Variants in VPS37A observed in about 807,000 individuals in gnomAD.
The protein encoded by VPS37A is VPS37A subunit of ESCRT-I.
A neutral mutation model predicts 49.8 loss-of-function variants in VPS37A; 30 were observed. The observed-to-expected ratio is 0.60, with a 90% CI of 0.45 to 0.82. The LOEUF is 0.82. Ranked by LOEUF, VPS37A falls within the 40% of genes least tolerant of loss-of-function variation. VPS37A has a pLI of 0.00. For missense variants in VPS37A, 593 were observed against 464.4 expected, an observed-to-expected ratio of 1.28 and a Z score of -2.55; for synonymous variants, 195 against 160.6, an observed-to-expected ratio of 1.21 and a Z score of -1.62.
the VPS37A span, among the ~76,000 whole-genome samples, chr8:17,307,943 C>T: frequency 1.3e-4 from 20 of 151,758 alleles, no homozygotes; most frequent in Admixed American, 7.9e-4. Flanking sequence ...TGCTAAATGA[C>T]GAGTTAATGG....
At position 17,297,568 on chromosome 8, in the gene VPS37A, T is replaced by TATC. The variant is rs1554502480; in HGVS notation, c.*2584_*2586dup. ...TCAAAATTCTTACCTATTTATTTCA[T>TATC]ATCAACTTTAAAAAATAAATTACTT... On this transcript the variant is annotated 3_prime_UTR_variant, in exon 12 of 12. Transcript: ENST00000324849. 6.6e-6 allele frequency: 1 copy of TATC among 152,122 alleles called. No homozygotes were observed. Among genetic ancestry groups the TATC allele is most frequent in the Non-Finnish European group, 1.5e-5 (1 of 67,956 alleles). The allele number at this position is 152,122 out of a possible 1,614,324, so 9.4% of individuals were successfully genotyped here. A position where few individuals can be genotyped will look rare whatever the true frequency, so the allele number is the denominator to read the frequency against.
chr8:17,304,305 T>A, downstream of VPS37A: 1 of 1,532,692 alleles, frequency 6.5e-7, no homozygotes, highest in Non-Finnish European at 9.0e-7. Flanking sequence ...TCATACACTT[T>A]GACCTCTGAA....
At chr8:17,300,316 T>A, downstream of VPS37A, 2 of 1,318,834 alleles carry the variant, frequency 1.5e-6, no homozygotes, top group Non-Finnish European at 2.0e-6. Flanking sequence ...ACCTCCCACG[T>A]GGGTATAATG....
At chr8:17,301,797 G>A (rs904420929), downstream of VPS37A, 1 of 284,964 alleles carries the variant, frequency 3.5e-6, no homozygotes. Flanking sequence ...CTAAAAGTGG[G>A]GAAAGAGTTT....
At position 17,280,478 on chromosome 8, in the gene VPS37A, T is replaced by TC. The variant is rs774200535; in HGVS notation, c.969+35_969+36insC. ...TTTATTTTTTTCCCTTTGCCATAGATTTTTTTTTTAATCTTATGTGCATGA... is the reference window on the plus strand; with the variant it reads ...TTTATTTTTTTCCCTTTGCCATAGATCTTTTTTTTTAATCTTATGTGCATGA... On this transcript the variant is annotated intron_variant, in intron 9 of 11. Coordinates refer to ENST00000324849, the MANE Select transcript of VPS37A (RefSeq NM_152415.3). 2.3e-6 allele frequency: 3 copies of TC among 1,296,102 alleles called. No individual in the cohort carries two copies. In the South Asian group the frequency reaches 4.6e-5, roughly 20 times the overall value. The allele number at this position is 1,296,102 out of a possible 1,614,324, so 80.3% of individuals were successfully genotyped here. A position where few individuals can be genotyped will look rare whatever the true frequency, so the allele number is the denominator to read the frequency against.
At chr8:17,249,899 T>C (rs1244813195) in intron 1 of VPS37A, among the ~76,000 whole-genome samples, 1 of 152,188 alleles carries the variant, frequency 6.6e-6, no homozygotes, top group Non-Finnish European at 1.5e-5. Flanking sequence ...CAATGAAGAA[T>C]GGACAGCCAT....
chr8:17,303,801 G>C (rs1001875722), downstream of VPS37A, among the ~76,000 whole-genome samples: 2 of 151,990 alleles, frequency 1.3e-5, no homozygotes, highest in East Asian at 1.9e-4. Flanking sequence ...GTAGAGACTG[G>C]GTCTCCCCAT....
the VPS37A span, among the ~76,000 whole-genome samples, chr8:17,308,786 T>C: frequency 0.045 from 6,837 of 152,210 alleles, 199 homozygotes; most frequent in Non-Finnish European, 0.061. Flanking sequence ...ACAGTGAATA[T>C]CATGGCCTGG....
intron 11 of VPS37A, among the ~76,000 whole-genome samples, chr8:17,291,164 C>A (rs933331586): frequency 7.9e-5 from 12 of 152,122 alleles, no homozygotes; most frequent in African/African-American, 2.7e-4. Flanking sequence ...AGGCATGTGC[C>A]ATCACACCTG....
the VPS37A span, among the ~76,000 whole-genome samples, chr8:17,319,123 G>C: frequency 6.6e-6 from 1 of 152,184 alleles, no homozygotes; most frequent in African/African-American, 2.4e-5. Flanking sequence ...ATATACGCAT[G>C]GGCAATAGCA....
chr8:17,316,512 T>A, the VPS37A span, among the ~76,000 whole-genome samples: 1 of 151,622 alleles, frequency 6.6e-6, no homozygotes, highest in Non-Finnish European at 1.5e-5. Flanking sequence ...AAAGTCTCCC[T>A]GTACCTGGAT....
the VPS37A span, chr8:17,311,459 C>T: frequency 6.2e-7 from 1 of 1,611,710 alleles, no homozygotes. Flanking sequence ...AAACAGGGGT[C>T]CATTCCTGGT....
intron 1 of VPS37A, chr8:17,248,347 C>G (rs750104218): frequency 2.2e-6 from 1 of 455,062 alleles, no homozygotes; most frequent in South Asian, 1.5e-5. Context: ...TCACTGCAAC[C>G]TCCGTCTCCC....
At chr8:17,266,510 G>A (rs1254816297) in intron 2 of VPS37A, among the ~76,000 whole-genome samples, 1 of 152,160 alleles carries the variant, frequency 6.6e-6, no homozygotes, top group Non-Finnish European at 1.5e-5. Flanking sequence ...TGCTGAAGTA[G>A]CAATTTAGCC....
the VPS37A span, among the ~76,000 whole-genome samples, chr8:17,323,212 G>T: frequency 6.6e-6 from 1 of 151,872 alleles, no homozygotes; most frequent in African/African-American, 2.4e-5. Flanking sequence ...CTCCCACAGT[G>T]CTGAGATTAC....
the VPS37A span, among the ~76,000 whole-genome samples, chr8:17,316,482 T>C: frequency 1.3e-5 from 2 of 149,276 alleles, no homozygotes; most frequent in South Asian, 4.3e-4. Context: ...AAAAAAAACC[T>C]TTCTACAGTC....
downstream of VPS37A, among the ~76,000 whole-genome samples, chr8:17,306,970 T>C (rs558007828): frequency 2.0e-5 from 3 of 152,300 alleles, no homozygotes; most frequent in Non-Finnish European, 2.9e-5. Context: ...ATTCAGGACA[T>C]AGGCATGGGC....
intron 1 of VPS37A, among the ~76,000 whole-genome samples, chr8:17,256,630 T>TTTTATTTATTTATTTA (rs141925092): frequency 3.4e-4 from 49 of 145,420 alleles, no homozygotes; most frequent in Middle Eastern, 3.5e-3. Flanking sequence ...GCTGTGTAGG[T>TTTTATTTATTTATTTA]TTTATTTATT....
chr8:17,249,198 G>A (rs1473188728), intron 1 of VPS37A, among the ~76,000 whole-genome samples: 1 of 152,150 alleles, frequency 6.6e-6, no homozygotes, highest in Non-Finnish European at 1.5e-5. Context: ...TGCTGCTAAG[G>A]CTGGTAAGTA....
Sources: allele counts gnomAD v4.1 joint callset (sites outside exome capture counted in the v4.1 genomes callset), GRCh38; gene constraint gnomAD v4.1.1; transcripts MANE v1.5; gene names NCBI Gene and HGNC (gene_info 2026-07-23, HGNC 2026-07-21).